Variants in USH2A observed in about 807,000 individuals in gnomAD.
The protein encoded by USH2A is Usher syndrome 2A (autosomal recessive, mild).
Under a neutral mutation model 538.9 loss-of-function variants are expected in USH2A, and 443 were observed. The observed-to-expected ratio is 0.82, with a 90% confidence interval of 0.76 to 0.89. The LOEUF (loss-of-function observed/expected upper bound fraction) is 0.89, where lower values mean the gene tolerates loss of function less well. USH2A is among the 40% of genes least tolerant of loss of function. The pLI is 0.00. For missense variants in USH2A, 6,633 were observed against 6,324.8 expected (o/e 1.05, Z -1.65); for synonymous variants, 2,413 against 2,273.5 (o/e 1.06, Z -1.75).
chr1:215,944,891 C>T (rs77551655), intron 37 of USH2A, among the ~76,000 whole-genome samples: 7,922 of 151,982 alleles, frequency 0.052, 262 homozygotes, highest in African/African-American at 0.099. Context: ...TAGTAAATGG[C>T]TAAATAAGGC....
chr1:216,062,093 C>A (rs367602174), intron 30 of USH2A, among the ~76,000 whole-genome samples: 2 of 152,116 alleles, frequency 1.3e-5, no homozygotes, highest in African/African-American at 2.4e-5. Flanking sequence ...GGACATTTAG[C>A]TGATGGAAAA....
chr1:215,946,793 A>G (rs75955547), intron 37 of USH2A, among the ~76,000 whole-genome samples: 4,886 of 152,288 alleles, frequency 0.032, 123 homozygotes, highest in South Asian at 0.084. Context: ...TGATTCAGTT[A>G]CTGGAAAACT....
rs2102665061 is a variant in USH2A, at chr1:215,674,395, T to C, written c.13516A>G (p.Ser4506Gly). 1 of 1,614,132 alleles carries C rather than the reference T, an allele frequency of 6.2e-7. No homozygotes were observed. The highest frequency in any genetic ancestry group is 8.5e-7 in the Non-Finnish European group (1 of 1,180,018). Reference protein sequence around the residue: ...DFTLTPGVEYSYTVTASNSQG... With the variant: ...DFTLTPGVEYGYTVTASNSQG... ...CTGTTGCTGGCAGTTACTGTGTAGC[T>C]ATACTCCACACCTGGGGTGAGAGTA... Residue 4506 changes from serine to glycine, a missense_variant, in exon 63 of 72, where the codon AGC (serine) becomes GGC (glycine). Transcript: ENST00000307340.
chr1:215,760,747 G>C (rs1453937159), intron 56 of USH2A, among the ~76,000 whole-genome samples: 1 of 151,932 alleles, frequency 6.6e-6, no homozygotes, highest in Non-Finnish European at 1.5e-5. Flanking sequence ...CTAACATAAA[G>C]CCCAGAAGAT....
Position 215,634,623 on chromosome 1 carries a change from C to T in USH2A, c.15133G>A (p.Val5045Met), listed in dbSNP as rs1201348626. The change falls in exon 70 of 72, where the codon GTG (valine) becomes ATG (methionine). Residue 5045 changes from valine (V) to methionine (M), a missense_variant. By Grantham distance (21) the Val-to-Met change is conservative (BLOSUM62 1). Coordinates refer to ENST00000307340, the MANE Select transcript of USH2A (RefSeq NM_206933.4). ...ATCAAGCCCAGCATCGCCATTAACA[C>T]TATGAACCACAGCTCGCTGTAGAAC... The part of the protein sequence containing the change: ...TEFYSELWFI[V>M]LMAMLGLILL... The T allele has an allele frequency of 1.2e-6, 2 of 1,614,236 alleles. No individual in the cohort carries two copies. The highest frequency in any genetic ancestry group is 3.3e-5 in the Admixed American group (2 of 60,022).
At chr1:215,827,859 T>C (rs938205038) in intron 47 of USH2A, among the ~76,000 whole-genome samples, 1 of 152,278 alleles carries the variant, frequency 6.6e-6, no homozygotes, top group Non-Finnish European at 1.5e-5. Flanking sequence ...AACAGAAATG[T>C]GGCCTTAATT....
chr1:215,656,303 C>T (rs1657250863), intron 64 of USH2A, among the ~76,000 whole-genome samples: 1 of 152,080 alleles, frequency 6.6e-6, no homozygotes, highest in African/African-American at 2.4e-5. Context: ...TGCATTTTTC[C>T]TTTATGGTAT....
At position 215,733,512 on chromosome 1, in the gene USH2A, C is replaced by T. The variant is rs571870260; in HGVS notation, c.11712-5128G>A. 4.7e-3 allele frequency among the ~76,000 whole-genome samples: 714 copies of T among 152,302 alleles called. 2 individuals carry two copies. Among genetic ancestry groups the T allele is most frequent in the African/African-American group, 0.017 (688 of 41,560 alleles). The stretch of plus-strand genomic sequence containing the variant: ...AGTTCCCCGAAGTTTTAACTGATTA[C>T]AGCATTAACTCAAAAGCCCCAAGTC... On this transcript the variant is annotated intron_variant, in intron 60 of 71. Coordinates refer to ENST00000307340, the MANE Select transcript of USH2A (RefSeq NM_206933.4).
intron 47 of USH2A, among the ~76,000 whole-genome samples, chr1:215,830,757 C>A (rs986155681): frequency 1.3e-5 from 2 of 152,178 alleles, no homozygotes; most frequent in Admixed American, 1.3e-4. Flanking sequence ...AGAACTATTA[C>A]ATAATTCTAC....
At chr1:215,742,433 TATGTTATATATGATATACACATATATC>T (rs202118352) in intron 59 of USH2A, among the ~76,000 whole-genome samples, 5,102 of 152,022 alleles carry the variant, frequency 0.034, 429 homozygotes, top group East Asian at 0.27. Context: ...ATATATATCA[TATGTTATATATGATATACACATATATC>T]ATGTTATATA....
chr1:215,998,828 G>A (rs1255247250), intron 34 of USH2A, 59 bp downstream of exon 34: 31 of 1,570,710 alleles, frequency 2.0e-5, no homozygotes, highest in African/African-American at 5.4e-5. Flanking sequence ...GATGGACCAC[G>A]GGAAGGGGAG....
At chr1:215,651,184 T>C (rs1459260561) in intron 64 of USH2A, among the ~76,000 whole-genome samples, 2 of 152,166 alleles carry the variant, frequency 1.3e-5, no homozygotes, top group Admixed American at 1.3e-4. Context: ...TCTTAAACAT[T>C]GTCCCCACCA....
At chr1:215,680,113 C>CA (rs143763888) in intron 62 of USH2A, 36 bp downstream of exon 62, 1 of 1,602,184 alleles carries the variant, frequency 6.2e-7, no homozygotes, top group East Asian at 2.2e-5. Flanking sequence ...ATCTGGAGAA[C>CA]ACCAAACATA....
intron 43 of USH2A, among the ~76,000 whole-genome samples, chr1:215,872,170 T>C (rs1224602355): frequency 6.6e-6 from 1 of 152,228 alleles, no homozygotes; most frequent in Non-Finnish European, 1.5e-5. Flanking sequence ...AGAAATCTCA[T>C]AAATCATACT....
chr1:215,892,080 T>C (rs976354360), intron 40 of USH2A, among the ~76,000 whole-genome samples: 7 of 152,212 alleles, frequency 4.6e-5, no homozygotes, highest in African/African-American at 1.7e-4. Flanking sequence ...AATAAAATTG[T>C]TAACAGAGGA....
At chr1:215,781,134 C>G (rs1661623209) in intron 54 of USH2A, among the ~76,000 whole-genome samples, 1 of 152,058 alleles carries the variant, frequency 6.6e-6, no homozygotes. Context: ...CCACAATATT[C>G]CATATTTGTT....
intron 67 of USH2A, 81 bp from the exon 68 acceptor site, chr1:215,640,815 T>C (rs960123581): frequency 2.4e-6 from 3 of 1,267,810 alleles, no homozygotes; most frequent in African/African-American, 2.0e-5. Context: ...AAAAAAAATA[T>C]GAGCAAAATC....
intron 47 of USH2A, among the ~76,000 whole-genome samples, chr1:215,836,304 C>A (rs1377260174): frequency 6.7e-6 from 1 of 149,280 alleles, no homozygotes; most frequent in Non-Finnish European, 1.5e-5. Context: ...TCTTTATGTT[C>A]TTGCACATCT....
chr1:216,084,556 T>A (rs2032058923), intron 25 of USH2A, 142 bp downstream of exon 25: 1 of 805,878 alleles, frequency 1.2e-6, no homozygotes, highest in Admixed American at 2.5e-5. Flanking sequence ...AGAATATATT[T>A]GTGTGCACCA....
Sources: allele counts gnomAD v4.1 joint callset (sites outside exome capture counted in the v4.1 genomes callset), GRCh38; gene constraint gnomAD v4.1.1; transcripts MANE v1.5; gene names NCBI Gene and HGNC (gene_info 2026-07-23, HGNC 2026-07-21).